CCDC80: variants seen among roughly 807,000 people sequenced by gnomAD.
CCDC80 encodes coiled-coil domain containing 80, also known as coiled-coil domain-containing protein 80.
In CCDC80, 49 loss-of-function variants were observed where a neutral mutation model predicts 78.7. The ratio of observed to expected loss-of-function variants is 0.62; its 90% CI spans 0.50 to 0.79. The LOEUF is 0.79. Among genes scored for constraint, CCDC80 ranks in the 30% least tolerant of loss-of-function variants. The pLI is 0.00. For missense variants in CCDC80, 1,205 were observed against 1,198.6 expected (o/e 1.01, Z -0.08); for synonymous variants, 488 against 447.0 (o/e 1.09, Z -1.16).
Position 112,630,193 on chromosome 3 carries a change from A to G in CCDC80, c.1955T>C (p.Met652Thr). ...GATCACAGAGATTTTCCTGGTAGCC[A>G]TCTTGCAGAAACTTTCCAGATATTC... ...RDEYLESFCK[M>T]ATRKISVITI... The change falls in exon 3 of 8, where the codon ATG becomes ACG. Residue 652 changes from methionine to threonine, a missense_variant. Coordinates refer to ENST00000206423, the MANE Select transcript of CCDC80 (RefSeq NM_199511.3). The G allele has an allele frequency of 1.2e-6, 2 of 1,613,954 alleles. No individual in the cohort carries two copies. Among genetic ancestry groups the G allele is most frequent in the Admixed American group, 1.7e-5 (1 of 59,992 alleles).
chr3:112,638,290 T>C lies in CCDC80; in HGVS notation c.1616A>G (p.Lys539Arg). 6.2e-7 allele frequency: 1 copy of C among 1,614,158 alleles called. No homozygotes were observed. The highest frequency in any genetic ancestry group is 2.2e-5 in the East Asian group (1 of 44,892). The change falls in exon 2 of 8, where the codon AAG becomes AGG. Residue 539 changes from lysine (K) to arginine (R), a missense_variant. Coordinates refer to ENST00000206423, the MANE Select transcript of CCDC80 (RefSeq NM_199511.3). ...CTCTGGTTTCTCAAGCTTTTCATGCTTTTTAGACTCCTTTGCTTTTTTAAG... is the reference window on the plus strand; with the variant it reads ...CTCTGGTTTCTCAAGCTTTTCATGCCTTTTAGACTCCTTTGCTTTTTTAAG... ...VPLKKAKESK[K>R]HEKLEKPEKE... is the part of the protein sequence containing the mutation.
chr3:112,605,822 C>A (rs932212280), intron 7 of CCDC80, 59 bp from the exon 8 acceptor site: 2 of 1,395,780 alleles, frequency 1.4e-6, no homozygotes, highest in Admixed American at 2.0e-5. Context: ...CCCATGAAAA[C>A]ATTAAAGTGT....
rs143343154 is a variant in CCDC80, at chr3:112,615,583, G to A, written c.2321+1127C>T. ...AGCAACTCCATCTTAAATAGGAGCT[G>A]GGTAAAATGAGGCTAAAATCTACTG... On this transcript the variant is annotated intron_variant, in intron 5 of 7. Coordinates refer to ENST00000206423, the MANE Select transcript of CCDC80 (RefSeq NM_199511.3). 3.3e-3 allele frequency among the ~76,000 whole-genome samples: 502 copies of A among 152,242 alleles called. 2 individuals carry two copies. The highest frequency in any genetic ancestry group is 5.3e-3 in the Non-Finnish European group (360 of 67,998).
At chr3:112,610,169 A>G in intron 5 of CCDC80, 88 bp from the exon 6 acceptor site, 1 of 1,130,952 alleles carries the variant, frequency 8.8e-7, no homozygotes, top group Non-Finnish European at 1.3e-6. Flanking sequence ...TAGGCTAGCA[A>G]TTTTTTTCTG....
chr3:112,630,278 G>T lies in CCDC80; in HGVS notation c.1879-9C>A. ...TTGGGAGCAGTGATCAGCTGGAGGT[G>T]GGTGAAGACAAACAAATACTCATTT... On this transcript the variant is annotated splice_polypyrimidine_tract_variant and intron_variant, in intron 2 of 7. Transcript: ENST00000206423. 1 of 1,613,076 alleles carries T rather than the reference G, an allele frequency of 6.2e-7. No individual in the cohort carries two copies. Among genetic ancestry groups the T allele is most frequent in the Non-Finnish European group, 8.5e-7 (1 of 1,179,268 alleles).
intron 2 of CCDC80, among the ~76,000 whole-genome samples, chr3:112,635,757 A>T (rs1337270563): frequency 3.9e-5 from 6 of 152,364 alleles, no homozygotes; most frequent in Middle Eastern, 3.4e-3. Flanking sequence ...CAACACTGCC[A>T]GGAGCAATTC....
At chr3:112,634,814 T>C (rs371992854) in intron 2 of CCDC80, among the ~76,000 whole-genome samples, 10 of 152,206 alleles carry the variant, frequency 6.6e-5, no homozygotes, top group Non-Finnish European at 1.2e-4. Context: ...GAAAGGGAGA[T>C]TGGCCTGAAT....
intron 5 of CCDC80, among the ~76,000 whole-genome samples, chr3:112,616,109 C>G (rs891279792): frequency 3.9e-5 from 6 of 152,172 alleles, no homozygotes; most frequent in African/African-American, 1.4e-4. Flanking sequence ...TGTTTTTACA[C>G]TCTTCTCTGG....
At chr3:112,635,648 A>G (rs1936192679) in intron 2 of CCDC80, among the ~76,000 whole-genome samples, 1 of 152,182 alleles carries the variant, frequency 6.6e-6, no homozygotes, top group African/African-American at 2.4e-5. Context: ...TTCTGATATG[A>G]TCATCAGTTG....
chr3:112,635,556 T>C (rs1389789734), intron 2 of CCDC80, among the ~76,000 whole-genome samples: 1 of 152,264 alleles, frequency 6.6e-6, no homozygotes, highest in Non-Finnish European at 1.5e-5. Flanking sequence ...CTCCATCTTT[T>C]GCTTTGGTAT....
Position 112,636,572 on chromosome 3 carries a change from T to C in CCDC80, c.1878+1456A>G, listed in dbSNP as rs77846245. Among the ~76,000 whole-genome samples the C allele has an allele frequency of 6.8e-3, 1,031 of 152,348 alleles. 14 individuals carry two copies. Among genetic ancestry groups the C allele is most frequent in the East Asian group, 0.059 (305 of 5,188 alleles). ...AAAGAACTTTGCTCTGAGTAATATT[T>C]CAAATGCACATTTAAACTTTCTGAA... On this transcript the variant is annotated intron_variant, in intron 2 of 7. Transcript: ENST00000206423.
intron 5 of CCDC80, among the ~76,000 whole-genome samples, chr3:112,615,582 TG>T (rs1405235893): frequency 3.3e-5 from 5 of 152,114 alleles, no homozygotes; most frequent in Non-Finnish European, 7.4e-5. Flanking sequence ...AAATAGGAGC[TG>T]GGTAAAATGA....
chr3:112,631,028 G>A (rs1936087601), intron 2 of CCDC80, among the ~76,000 whole-genome samples: 1 of 151,862 alleles, frequency 6.6e-6, no homozygotes, highest in African/African-American at 2.4e-5. Context: ...AAAAAAAAGA[G>A]GAAAGACAAA....
At position 112,597,228 on chromosome 3, in the gene CCDC80, A is replaced by T. The variant is rs1245798594; in HGVS notation, c.*8189T>A. ...GTGTTTTCTGGTCTAATTAAACCATAGTCTTCATATACCTTTACCACGCCT... is the reference window on the plus strand; with the variant it reads ...GTGTTTTCTGGTCTAATTAAACCATTGTCTTCATATACCTTTACCACGCCT... On this transcript the variant is annotated 3_prime_UTR_variant, in exon 8 of 8. Coordinates refer to ENST00000206423, the MANE Select transcript of CCDC80 (RefSeq NM_199511.3). The T allele has an allele frequency of 6.6e-6, 1 of 152,314 alleles. No homozygotes were observed. The highest frequency in any genetic ancestry group is 1.9e-4 in the East Asian group (1 of 5,174). The allele number at this position is 152,314 out of a possible 1,614,324, so 9.4% of individuals were successfully genotyped here. A position where few individuals can be genotyped will look rare whatever the true frequency, so the allele number is the denominator to read the frequency against.
intron 3 of CCDC80, among the ~76,000 whole-genome samples, chr3:112,629,077 A>G (rs1273291552): frequency 1.3e-5 from 2 of 152,210 alleles, no homozygotes; most frequent in South Asian, 2.1e-4. Flanking sequence ...TATAACTAGT[A>G]TGTCTTCAAT....
In CCDC80 at chr3:112,600,385, T is replaced by A. The variant is rs73853917; in HGVS notation, c.*5032A>T. On this transcript the variant is annotated 3_prime_UTR_variant, in exon 8 of 8. Transcript: ENST00000206423. ...AATGCTTGAAAAAGTAATCTCAGGTTGTAAAAAAGAACTATCTTTTTTTGG... is the reference window on the plus strand; with the variant it reads ...AATGCTTGAAAAAGTAATCTCAGGTAGTAAAAAAGAACTATCTTTTTTTGG... 48 of 152,358 alleles carry A rather than the reference T, an allele frequency of 3.2e-4. No homozygotes were observed. Among genetic ancestry groups the A allele is most frequent in the African/African-American group, 1.1e-3 (45 of 41,584 alleles). 9.4% of individuals were successfully genotyped at this position (152,358 alleles called of 1,614,324 possible).
At chr3:112,615,346 T>G (rs1935712148) in intron 5 of CCDC80, among the ~76,000 whole-genome samples, 1 of 152,088 alleles carries the variant, frequency 6.6e-6, no homozygotes, top group Non-Finnish European at 1.5e-5. Flanking sequence ...GCACTAAATG[T>G]GTATTACATG....
intron 2 of CCDC80, among the ~76,000 whole-genome samples, chr3:112,634,389 G>A (rs1936164526): frequency 6.6e-6 from 1 of 152,158 alleles, no homozygotes. Flanking sequence ...ATTGACAAGT[G>A]ACTAGATCTC....
intron 3 of CCDC80, among the ~76,000 whole-genome samples, chr3:112,625,402 C>T (rs1195811239): frequency 6.6e-6 from 1 of 152,200 alleles, no homozygotes; most frequent in Non-Finnish European, 1.5e-5. Flanking sequence ...GTTTCTTAGA[C>T]TGTATTGGAA....
Sources: gnomAD v4.1 joint callset for allele counts (sites outside exome capture counted in the v4.1 genomes callset) on GRCh38, gnomAD v4.1.1 for gene constraint, MANE v1.5 for transcripts, NCBI Gene and HGNC (gene_info 2026-07-23, HGNC 2026-07-21) for gene names.